The following RFX1 variants were observed in gnomAD, a reference collection of about 807,000 sequenced individuals.
RFX1 encodes regulatory factor X1.
Under a neutral mutation model 119.6 loss-of-function variants are expected in RFX1, and 42 were observed. The ratio of observed to expected loss-of-function variants is 0.35; its 90% CI spans 0.27 to 0.45. RFX1 has a LOEUF of 0.45. RFX1 is among the 20% of genes least tolerant of loss of function. The probability of loss-of-function intolerance (pLI) is 1.00; values close to 1 mark genes in which losing one functional copy is unlikely to be tolerated. For missense variants in RFX1, 1,118 were observed against 1,368.1 expected (o/e 0.82, Z 2.88); for synonymous variants, 628 against 618.5 (o/e 1.02, Z -0.23).
intron 5 of RFX1, among the ~76,000 whole-genome samples, chr19:13,981,615 G>A (rs75890255): frequency 8.9e-4 from 136 of 152,198 alleles, no homozygotes; most frequent in African/African-American, 3.2e-3. Flanking sequence ...ACAAAACAAG[G>A]CTCAGAGGCC....
Position 13,966,270 on chromosome 19 carries a change from G to C in RFX1, c.1961+151C>G. 2 of 584,932 alleles carry C rather than the reference G, an allele frequency of 3.4e-6. No homozygotes were observed. Among genetic ancestry groups the C allele is most frequent in the South Asian group, 2.0e-5 (1 of 49,460 alleles). 36.2% of individuals were successfully genotyped at this position (584,932 alleles called of 1,614,324 possible). A position where few individuals can be genotyped will look rare whatever the true frequency, so the allele number is the denominator to read the frequency against. ...ACTCCACCCCCGACTGTTGAGTGTC[G>C]GGTGGCTATACACACTCCACACAGC... On this transcript the variant is annotated intron_variant, in intron 14 of 20. Transcript: ENST00000254325. This position sits in a 1 kb window ranked among gnomAD's most constrained non-coding sequence, Gnocchi z 6.3.
At chr19:13,978,678 G>C (rs914112392) in intron 7 of RFX1, among the ~76,000 whole-genome samples, 3 of 152,050 alleles carry the variant, frequency 2.0e-5, no homozygotes, top group African/African-American at 7.2e-5. Flanking sequence ...TGCGGGGCCT[G>C]GTGGGCGGCC....
rs141966339 is a variant in RFX1 at position 13,972,743 on chromosome 19, C to T, written c.1314G>A (p.Thr438=). ...CTGGGGCCCGCGTTGGGGCACTTAC[C>T]GTGGCTGGCGAGGCACGGGTGGTGT... ...YSHTTRASPA[T]VQWLLDNYET... is the part of the protein sequence containing the mutation. The change falls in exon 9 of 21, where the codon ACG becomes ACA. Residue 438 remains threonine, a splice_region_variant and synonymous_variant. Transcript: ENST00000254325. The T allele has an allele frequency of 3.0e-5, 48 of 1,590,414 alleles. No homozygotes were observed. The highest frequency in any genetic ancestry group is 1.5e-4 in the Admixed American group (9 of 58,718).
Position 13,966,687 on chromosome 19 carries a change from G to C in RFX1, c.1797C>G (p.Gly599=). Residue 599 remains glycine (G), a synonymous_variant, in exon 13 of 21, where the codon GGC becomes GGG. Coordinates refer to ENST00000254325, the MANE Select transcript of RFX1 (RefSeq NM_002918.5). This position sits in a 1 kb window ranked among gnomAD's most constrained non-coding sequence, Gnocchi z 6.3. ...LDLQGKVLPE[G]VGPGDIKAFQ... is the part of the protein sequence containing the mutation. ...AGGCTTTGATGTCCCCGGGCCCGAC[G>C]CCCTCAGGCAGCACCTTGCCCTGGA... 2.5e-6 allele frequency: 4 copies of C among 1,611,306 alleles called. No homozygotes were observed. Among genetic ancestry groups the C allele is most frequent in the Non-Finnish European group, 3.4e-6 (4 of 1,178,942 alleles).
In RFX1 at chr19:13,986,030, T is replaced by G. The variant is rs941607720; in HGVS notation, c.320-2435A>C. On this transcript the variant is annotated intron_variant, in intron 2 of 20. Coordinates refer to ENST00000254325, the MANE Select transcript of RFX1 (RefSeq NM_002918.5). The surrounding 1 kb of genome is among the most constrained non-coding windows in gnomAD (Gnocchi z 4.2). The stretch of plus-strand genomic sequence containing the variant: ...CCCTGTGTTTTGCTGGAATCTTCCC[T>G]GGCATCTGCTTTAGGCTTCCCAGCC... 2.6e-5 allele frequency among the ~76,000 whole-genome samples: 4 copies of G among 152,138 alleles called. No individual in the cohort carries two copies. Among genetic ancestry groups the G allele is most frequent in the African/African-American group, 9.7e-5 (4 of 41,434 alleles).
intron 1 of RFX1, 26 bp from the exon 2 acceptor site, chr19:13,993,921 G>A: frequency 8.3e-7 from 1 of 1,201,038 alleles, no homozygotes; most frequent in Non-Finnish European, 1.2e-6. Flanking sequence ...GGGGATGGGG[G>A]AGAGAAAAAC....
chr19:13,986,792 C>G lies in RFX1; in HGVS notation c.320-3197G>C, dbSNP rs1193395419. On this transcript the variant is annotated intron_variant, in intron 2 of 20. Transcript: ENST00000254325. This position sits in a 1 kb window ranked among gnomAD's most constrained non-coding sequence, Gnocchi z 4.2. ...CCGCACTTCCCCATCTAGACCTACT[C>G]AAACCTTAAATGAGCTACTTGGGGG... Among the ~76,000 whole-genome samples the G allele has an allele frequency of 1.3e-5, 2 of 152,148 alleles. No individual in the cohort carries two copies. The highest frequency in any genetic ancestry group is 4.8e-5 in the African/African-American group (2 of 41,440).
chr19:14,006,727 T>G (rs576310693), upstream of RFX1: 1 of 152,354 alleles, frequency 6.6e-6, no homozygotes, highest in Non-Finnish European at 1.5e-5. Context: ...AGTCCGCTCT[T>G]GCGTACACTT....
At chr19:13,993,393 T>G (rs976441027) in intron 2 of RFX1, 132 bp downstream of exon 2, 5 of 804,010 alleles carry the variant, frequency 6.2e-6, no homozygotes, top group Non-Finnish European at 9.5e-6. Flanking sequence ...TAAGCACCCC[T>G]GCCCTAGTGA....
In RFX1 at chr19:13,970,183, G is replaced by C. The variant is rs1352469037; in HGVS notation, c.1315-8C>G. 1 of 1,594,380 alleles carries C rather than the reference G, an allele frequency of 6.3e-7. No individual in the cohort carries two copies. Among genetic ancestry groups the C allele is most frequent in the South Asian group, 1.1e-5 (1 of 89,594 alleles). The stretch of plus-strand genomic sequence containing the variant: ...GTCCAGGAGCCACTGGACCTGGGGT[G>C]GGAGGGAGATGGGAGAGCACCAGTC... On this transcript the variant is annotated splice_polypyrimidine_tract_variant and splice_region_variant and intron_variant, in intron 9 of 20. Coordinates refer to ENST00000254325, the MANE Select transcript of RFX1 (RefSeq NM_002918.5).
At chr19:14,001,311 G>C (rs893167006) in intron 1 of RFX1, among the ~76,000 whole-genome samples, 2 of 152,058 alleles carry the variant, frequency 1.3e-5, no homozygotes, top group Non-Finnish European at 2.9e-5. Context: ...TTTCTTTTTC[G>C]TTTCTTAGAG....
At chr19:13,982,696 C>T (rs1482386054) in intron 4 of RFX1, among the ~76,000 whole-genome samples, 1 of 152,170 alleles carries the variant, frequency 6.6e-6, no homozygotes, top group South Asian at 2.1e-4. Context: ...CTCAGCTACT[C>T]AGGAGGCTGA....
rs778057637 is a variant in RFX1 at position 13,962,825 on chromosome 19, A to G, written c.2810T>C (p.Leu937Pro). ...AGCCGCCAGTGAGATGTCCTGCGGCAGCTCGTCCTCGCTCTCCTCCTCCTC... is the reference window on the plus strand; with the variant it reads ...AGCCGCCAGTGAGATGTCCTGCGGCGGCTCGTCCTCGCTCTCCTCCTCCTC... ...EEEEEESEDELPQDISLAAGG... is the reference protein window; with the variant it reads ...EEEEEESEDEPPQDISLAAGG... The change falls in exon 21 of 21, where the codon CTG (leucine) becomes CCG (proline). Residue 937 changes from leucine (L) to proline (P), a missense_variant. This residue lies in a region of RFX1 where 138 missense variants were observed against 117.8 expected (regional missense o/e 1.17). Transcript: ENST00000254325. The G allele has an allele frequency of 2.6e-6, 4 of 1,529,038 alleles. No individual in the cohort carries two copies. The East Asian group carries it at 7.4e-5, about 28-fold the overall frequency. The allele number at this position is 1,529,038 out of a possible 1,614,324, so 94.7% of individuals were successfully genotyped here.
chr19:13,985,749 A>G lies in RFX1; in HGVS notation c.320-2154T>C, dbSNP rs1242607156. ...ACGGGGACCCCTCAAAGTCTGAAGT[A>G]TCCAGACTGGGTCTCGGCTGTCCAG... On this transcript the variant is annotated intron_variant, in intron 2 of 20. Coordinates refer to ENST00000254325, the MANE Select transcript of RFX1 (RefSeq NM_002918.5). This position sits in a 1 kb window ranked among gnomAD's most constrained non-coding sequence, Gnocchi z 4.3. Among the ~76,000 whole-genome samples, 1 of 152,218 alleles carries G rather than the reference A, an allele frequency of 6.6e-6. No individual in the cohort carries two copies. The highest frequency in any genetic ancestry group is 2.4e-5 in the African/African-American group (1 of 41,462).
intron 2 of RFX1, among the ~76,000 whole-genome samples, chr19:13,988,343 G>A (rs757854917): frequency 6.6e-6 from 1 of 152,166 alleles, no homozygotes; most frequent in African/African-American, 2.4e-5. Context: ...GAGGGAGTGC[G>A]GGAAGAGCTG....
At chr19:13,987,512 C>A (rs1974642306) in intron 2 of RFX1, among the ~76,000 whole-genome samples, 3 of 152,164 alleles carry the variant, frequency 2.0e-5, no homozygotes, top group Admixed American at 6.5e-5. Context: ...GTCCTAGGTG[C>A]CTTGTGGCAG....
intron 1 of RFX1, among the ~76,000 whole-genome samples, chr19:14,005,527 C>T (rs1467116320): frequency 2.0e-5 from 3 of 152,172 alleles, no homozygotes; most frequent in African/African-American, 7.2e-5. Flanking sequence ...AGGAAAAGGG[C>T]GATGTCAATG....
chr19:13,966,751 T>A lies in RFX1; in HGVS notation c.1733A>T (p.Asp578Val). Residue 578 changes from aspartate (D) to valine (V), a missense_variant and splice_region_variant, in exon 13 of 21, where the codon GAT (aspartate) becomes GTT (valine). Transcript: ENST00000254325. The surrounding 1 kb of genome is among the most constrained non-coding windows in gnomAD (Gnocchi z 6.3). ...GAAGTCAGGGAGGCTCCGAGAGGCA[T>A]CTAGGGGGCCGGGGGGAACCGTGAG... Reference protein sequence around the residue: ...AQVQQYQQFLDASRSLPDFTE... With the variant: ...AQVQQYQQFLVASRSLPDFTE... 6.2e-7 allele frequency: 1 copy of A among 1,601,224 alleles called. No homozygotes were observed. The highest frequency in any genetic ancestry group is 2.2e-5 in the East Asian group (1 of 44,614).
intron 8 of RFX1, among the ~76,000 whole-genome samples, chr19:13,975,043 CAAAA>C (rs60183087): frequency 3.1e-5 from 1 of 32,120 alleles, no homozygotes; most frequent in Non-Finnish European, 6.2e-5. Flanking sequence ...AACTCCACCT[CAAAA>C]AAAAAAAAAA....
Sources: allele counts gnomAD v4.1 joint callset (sites outside exome capture counted in the v4.1 genomes callset), GRCh38; gene constraint gnomAD v4.1.1; regional missense constraint gnomAD v4.1.1; non-coding constraint Gnocchi (gnomAD v3.1); transcripts MANE v1.5; gene names NCBI Gene and HGNC (gene_info 2026-07-23, HGNC 2026-07-21).